Variants in EYS observed in about 807,000 individuals in gnomAD.
EYS encodes the protein protein eyes shut homolog.
A neutral mutation model predicts 282.1 loss-of-function variants in EYS; 250 were observed. The ratio of observed to expected loss-of-function variants is 0.89; its 90% CI spans 0.80 to 0.98. EYS has a LOEUF of 0.98. EYS is among the 50% of genes least tolerant of loss of function. EYS has a pLI of 0.00. For missense variants in EYS, 4,016 were observed against 3,709.0 expected, an observed-to-expected ratio of 1.08 and a Z score of -2.15; for synonymous variants, 1,355 against 1,282.9, an observed-to-expected ratio of 1.06 and a Z score of -1.20.
At chr6:64,274,175 T>C (rs903710242) in intron 30 of EYS, among the ~76,000 whole-genome samples, 1 of 152,142 alleles carries the variant, frequency 6.6e-6, no homozygotes, top group African/African-American at 2.4e-5. Context: ...CTCCCTCCAT[T>C]CATTTATTCA....
chr6:64,303,087 C>T (rs1300526297), intron 30 of EYS, among the ~76,000 whole-genome samples: 2 of 152,164 alleles, frequency 1.3e-5, no homozygotes, highest in Non-Finnish European at 2.9e-5. Flanking sequence ...ATCATTCACT[C>T]CAGGTAATGT....
intron 30 of EYS, among the ~76,000 whole-genome samples, chr6:64,297,470 T>A (rs547032065): frequency 6.6e-6 from 1 of 152,190 alleles, no homozygotes; most frequent in African/African-American, 2.4e-5. Context: ...CATGGATACA[T>A]ATTAAAACCA....
At chr6:64,799,472 T>C (rs1052605044) in intron 22 of EYS, among the ~76,000 whole-genome samples, 4 of 151,850 alleles carry the variant, frequency 2.6e-5, no homozygotes, top group Non-Finnish European at 5.9e-5. Context: ...TAAAATATTG[T>C]AAGCTTATTC....
At chr6:64,317,014 C>A (rs1162491966) in intron 29 of EYS, among the ~76,000 whole-genome samples, 1 of 152,030 alleles carries the variant, frequency 6.6e-6, no homozygotes, top group Non-Finnish European at 1.5e-5. Flanking sequence ...TGCCCATATG[C>A]AGGAAGGTGA....
intron 22 of EYS, among the ~76,000 whole-genome samples, chr6:64,762,333 C>A (rs1773185540): frequency 6.6e-6 from 1 of 152,150 alleles, no homozygotes; most frequent in Admixed American, 6.5e-5. Context: ...TATTTTTCTG[C>A]ACTATTCACT....
chr6:64,751,343 G>T (rs954809953), intron 22 of EYS, among the ~76,000 whole-genome samples: 3 of 152,148 alleles, frequency 2.0e-5, no homozygotes, highest in East Asian at 1.9e-4. Flanking sequence ...ATACTTCCCG[G>T]TTAGGAGTCC....
chr6:63,855,482 T>C (rs764304180), intron 36 of EYS, among the ~76,000 whole-genome samples: 6 of 152,230 alleles, frequency 3.9e-5, no homozygotes, highest in Non-Finnish European at 5.9e-5. Flanking sequence ...CAAATACTTA[T>C]GATTATCTCC....
rs147537728 is a variant in EYS, at chr6:64,203,413, A to G, written c.6424+27179T>C. On this transcript the variant is annotated intron_variant, in intron 31 of 42. Coordinates refer to ENST00000503581, the MANE Select transcript of EYS (RefSeq NM_001142800.2). ...AACCTAGTCACGAGCCAGAGTGAGG[A>G]CATATAGAAGAGTGTAAGGGCATCT... Among the ~76,000 whole-genome samples, 3 of 152,302 alleles carry G rather than the reference A, an allele frequency of 2.0e-5. No individual in the cohort carries two copies. In the East Asian group the frequency reaches 5.8e-4, roughly 29 times the overall value.
At chr6:64,514,062 A>T (rs1156619879) in intron 26 of EYS, among the ~76,000 whole-genome samples, 3 of 151,740 alleles carry the variant, frequency 2.0e-5, no homozygotes, top group African/African-American at 7.3e-5. Context: ...TCATTGAATC[A>T]TTCTTCATCT....
intron 21 of EYS, among the ~76,000 whole-genome samples, chr6:64,816,638 C>T (rs1364715892): frequency 6.6e-6 from 1 of 151,942 alleles, no homozygotes; most frequent in Non-Finnish European, 1.5e-5. Flanking sequence ...TTTATTTAAA[C>T]AAAAGATACA....
chr6:64,370,602 C>T (rs1772331999), intron 29 of EYS, among the ~76,000 whole-genome samples: 1 of 152,064 alleles, frequency 6.6e-6, no homozygotes, highest in Non-Finnish European at 1.5e-5. Flanking sequence ...ATAGTACCAG[C>T]TCTTCCTTAT....
intron 36 of EYS, among the ~76,000 whole-genome samples, chr6:63,835,057 TG>T (rs2149694059): frequency 1.3e-5 from 1 of 74,106 alleles, no homozygotes; most frequent in Admixed American, 2.3e-4. Context: ...TATTGTAGGG[TG>T]GGGGGAGGGG....
intron 2 of EYS, among the ~76,000 whole-genome samples, chr6:65,550,154 T>TCATGGCA (rs1562254272): frequency 1.2e-4 from 1 of 8,604 alleles, no homozygotes. Flanking sequence ...TTTTTTTTTT[T>TCATGGCA]TTTTTTTTTT....
intron 35 of EYS, among the ~76,000 whole-genome samples, chr6:63,879,495 G>A (rs1286865087): frequency 6.6e-6 from 1 of 152,106 alleles, no homozygotes; most frequent in Non-Finnish European, 1.5e-5. Context: ...AGTAAAGTTT[G>A]CACTAAAAGC....
chr6:63,858,765 C>T (rs1488570635), intron 36 of EYS, among the ~76,000 whole-genome samples: 1 of 152,156 alleles, frequency 6.6e-6, no homozygotes, highest in Non-Finnish European at 1.5e-5. Context: ...GGCAATCAAA[C>T]AGCTGTTGAG....
intron 22 of EYS, among the ~76,000 whole-genome samples, chr6:64,628,360 G>T (rs1767676872): frequency 6.6e-6 from 1 of 151,430 alleles, no homozygotes; most frequent in Admixed American, 6.6e-5. Context: ...AGTGTTCATT[G>T]TCTTTCCTTG....
chr6:65,601,774 T>C (rs1393285775), intron 2 of EYS, among the ~76,000 whole-genome samples: 2 of 151,958 alleles, frequency 1.3e-5, no homozygotes, highest in Non-Finnish European at 2.9e-5. Context: ...TTTTCTTTCT[T>C]GACCAATTAA....
At chr6:64,259,831 C>T (rs973587248) in intron 30 of EYS, among the ~76,000 whole-genome samples, 1 of 129,142 alleles carries the variant, frequency 7.7e-6, no homozygotes, top group Non-Finnish European at 1.7e-5. Context: ...ATATTTCTAA[C>T]TTTTATTATT....
chr6:65,220,251 G>GA (rs1040518211), intron 12 of EYS, among the ~76,000 whole-genome samples: 3 of 150,746 alleles, frequency 2.0e-5, no homozygotes, highest in East Asian at 3.9e-4. Context: ...AGAAATATTG[G>GA]AAAAAAAAAT....
Sources: gnomAD v4.1 joint callset for allele counts (sites outside exome capture counted in the v4.1 genomes callset) on GRCh38, gnomAD v4.1.1 for gene constraint, MANE v1.5 for transcripts, NCBI Gene and HGNC (gene_info 2026-07-23, HGNC 2026-07-21) for gene names.